MPHOSPH10: variants seen among roughly 807,000 people sequenced by gnomAD.
The protein encoded by MPHOSPH10 is M-phase phosphoprotein 10, also known as U3 small nucleolar ribonucleoprotein MPP10.
In MPHOSPH10, 33 loss-of-function variants were observed where a neutral mutation model predicts 77.3. That is an observed-to-expected ratio of 0.43 (90% CI 0.32 to 0.57). MPHOSPH10 has a LOEUF of 0.57. MPHOSPH10 is among the 20% of genes least tolerant of loss of function. The pLI is 0.07. For synonymous variants in MPHOSPH10, 245 were observed against 268.0 expected, an observed-to-expected ratio of 0.91 and a Z score of 0.84; for missense variants, 708 against 780.1, an observed-to-expected ratio of 0.91 and a Z score of 1.10.
chr2:71,135,885 A>G (rs1227408808), intron 4 of MPHOSPH10, among the ~76,000 whole-genome samples: 3 of 151,718 alleles, frequency 2.0e-5, no homozygotes, highest in African/African-American at 7.3e-5. Context: ...TTGTATTTTT[A>G]GTAGAGACGG....
At position 71,144,317 on chromosome 2, in the gene MPHOSPH10, G is replaced by C. The variant is rs940828022; in HGVS notation, c.1447-111G>C. On this transcript the variant is annotated intron_variant, in intron 7 of 10. Coordinates refer to ENST00000244230, the MANE Select transcript of MPHOSPH10 (RefSeq NM_005791.3). ...TTTGCTTTTGGAATGTTTCTTTGTA[G>C]CTGAAGCTTTAGTGATGAGAAGTTA... 5.0e-5 allele frequency: 40 copies of C among 807,728 alleles called. No homozygotes were observed. The African/African-American group carries it at 6.5e-4, about 13-fold the overall frequency. 50.0% of individuals were successfully genotyped at this position (807,728 alleles called of 1,614,324 possible). A position where few individuals can be genotyped will look rare whatever the true frequency, so the allele number is the denominator to read the frequency against.
In MPHOSPH10 at chr2:71,133,059, A is replaced by G. The variant is rs1477395625; in HGVS notation, c.251A>G (p.Asn84Ser). The change falls in exon 2 of 11, where the codon AAT becomes AGT. Residue 84 changes from asparagine (N) to serine (S), a missense_variant. Asn to Ser is a conservative substitution (Grantham distance 46). This residue lies in a region of MPHOSPH10 where 433 missense variants were observed against 432.6 expected (regional missense o/e 1.00). Coordinates refer to ENST00000244230, the MANE Select transcript of MPHOSPH10 (RefSeq NM_005791.3). ...EQIWQQLELQNEPILQYFQNA... is the reference protein window; with the variant it reads ...EQIWQQLELQSEPILQYFQNA... ...ATTTGGCAACAACTGGAATTGCAAA[A>G]TGAACCAATTTTACAATACTTTCAG... is the stretch of plus-strand genomic sequence containing the variant. 6 of 1,614,074 alleles carry G rather than the reference A, an allele frequency of 3.7e-6. No individual in the cohort carries two copies. The highest frequency in any genetic ancestry group is 1.7e-5 in the Admixed American group (1 of 60,000).
At chr2:71,149,005 C>T (rs1213285996) in intron 9 of MPHOSPH10, 12 of 554,584 alleles carry the variant, frequency 2.2e-5, no homozygotes, top group Non-Finnish European at 3.5e-5. Flanking sequence ...ACTGAACCGT[C>T]ACTATAAGAG....
At chr2:71,145,309 T>C (rs1472131556) in intron 8 of MPHOSPH10, among the ~76,000 whole-genome samples, 1 of 152,222 alleles carries the variant, frequency 6.6e-6, no homozygotes. Flanking sequence ...TAAAGACTAG[T>C]CTAGAAGTCA....
intron 7 of MPHOSPH10, among the ~76,000 whole-genome samples, chr2:71,143,711 C>G (rs949853658): frequency 6.6e-6 from 1 of 152,174 alleles, no homozygotes; most frequent in African/African-American, 2.4e-5. Context: ...TGGAACCATA[C>G]CATATGTGGC....
chr2:71,137,544 A>G (rs991464820), intron 4 of MPHOSPH10, among the ~76,000 whole-genome samples: 1 of 151,334 alleles, frequency 6.6e-6, no homozygotes, highest in African/African-American at 2.4e-5. Context: ...CTGTGGTCCC[A>G]GTTATTTGGG....
intron 1 of MPHOSPH10, 139 bp downstream of exon 1, chr2:71,130,893 C>T (rs1673363989): frequency 1.4e-6 from 1 of 739,496 alleles, no homozygotes; most frequent in Non-Finnish European, 2.1e-6. Context: ...AGAGTTTATG[C>T]TTTCCTAGGC....
At position 71,141,325 on chromosome 2, in the gene MPHOSPH10, A is replaced by G. The variant is rs772490480; in HGVS notation, c.1402A>G (p.Ser468Gly). 1 of 1,568,320 alleles carries G rather than the reference A, an allele frequency of 6.4e-7. No homozygotes were observed. Among genetic ancestry groups the G allele is most frequent in the Non-Finnish European group, 8.6e-7 (1 of 1,158,540 alleles). Reference protein sequence around the residue: ...LTLDHEKSKLSLAEIYEQEYI... With the variant: ...LTLDHEKSKLGLAEIYEQEYI... Reference sequence around the variant, plus strand: ...CTTAGACCATGAGAAGAGTAAATTGAGCCTTGCTGAAATTTATGAACAGGA... The same window carrying G: ...CTTAGACCATGAGAAGAGTAAATTGGGCCTTGCTGAAATTTATGAACAGGA... Residue 468 changes from serine (S) to glycine (G), a missense_variant, in exon 7 of 11, where the codon AGC becomes GGC. Physicochemically the swap from Ser to Gly is moderately conservative, Grantham distance 56. This residue lies in a region of MPHOSPH10 where 263 missense variants were observed against 320.0 expected (regional missense o/e 0.82). Coordinates refer to ENST00000244230, the MANE Select transcript of MPHOSPH10 (RefSeq NM_005791.3).
At chr2:71,143,950 A>G (rs1196610523) in intron 7 of MPHOSPH10, among the ~76,000 whole-genome samples, 2 of 152,212 alleles carry the variant, frequency 1.3e-5, no homozygotes, top group Non-Finnish European at 2.9e-5. Flanking sequence ...TTGTACACCT[A>G]GGAGTGGCAT....
In MPHOSPH10 at chr2:71,134,201, C is replaced by T. The variant is rs922911220; in HGVS notation, c.926+96C>T. ...TCAAATGTGTTTGTCTTAGCAAGTT[C>T]TATTCTCTAATATCAGATATTCTCA... On this transcript the variant is annotated intron_variant, in intron 3 of 10. Coordinates refer to ENST00000244230, the MANE Select transcript of MPHOSPH10 (RefSeq NM_005791.3). The T allele has an allele frequency of 1.1e-5, 13 of 1,227,312 alleles. No homozygotes were observed. In the Admixed American group the frequency reaches 1.5e-4, roughly 14 times the overall value. The allele number at this position is 1,227,312 out of a possible 1,614,324, so 76.0% of individuals were successfully genotyped here.
chr2:71,134,048 A>G lies in MPHOSPH10; in HGVS notation c.869A>G (p.Asn290Ser). The change falls in exon 3 of 11, where the codon AAC (asparagine) becomes AGC (serine). Residue 290 changes from asparagine to serine, a missense_variant. Around this residue, in one of 3 missense-constraint regions of MPHOSPH10, gnomAD observed 433 missense variants for 432.6 expected, o/e 1.00. Transcript: ENST00000244230. ...GTTCATGATGATGAGCTGGATTCAA[A>G]CAAAGAAGATGATGAAATTGCTGAA... ...TNVHDDELDS[N>S]KEDDEIAEEE... 6.2e-7 allele frequency: 1 copy of G among 1,610,322 alleles called. No homozygotes were observed. Among genetic ancestry groups the G allele is most frequent in the Non-Finnish European group, 8.5e-7 (1 of 1,178,108 alleles).
rs760935845 is a variant in MPHOSPH10, at chr2:71,141,351, G to A, written c.1428G>A (p.Glu476=). The change falls in exon 7 of 11, where the codon GAG becomes GAA. Residue 476 remains glutamate, a synonymous_variant. Coordinates refer to ENST00000244230, the MANE Select transcript of MPHOSPH10 (RefSeq NM_005791.3). ...GCCTTGCTGAAATTTATGAACAGGA[G>A]TACATCAAACTCAACCAGGTGAGGA... ...KLSLAEIYEQ[E]YIKLNQQKTA... is the part of the protein sequence containing the mutation. 2 of 1,552,640 alleles carry A rather than the reference G, an allele frequency of 1.3e-6. No individual in the cohort carries two copies. Among genetic ancestry groups the A allele is most frequent in the East Asian group, 2.4e-5 (1 of 41,070 alleles).
chr2:71,141,134 T>C, intron 6 of MPHOSPH10, 98 bp from the exon 7 acceptor site: 1 of 528,676 alleles, frequency 1.9e-6, no homozygotes, highest in Non-Finnish European at 2.6e-6. Context: ...AATATATTGA[T>C]AATATTTATT....
chr2:71,134,707 A>G lies in MPHOSPH10; in HGVS notation c.1008A>G (p.Pro336=). 1 of 1,612,198 alleles carries G rather than the reference A, an allele frequency of 6.2e-7. No homozygotes were observed. Among genetic ancestry groups the G allele is most frequent in the Non-Finnish European group, 8.5e-7 (1 of 1,178,910 alleles). ...ESLKRVTFAL[P]DDAETEDTGV... ...TGAAAAGAGTGACCTTTGCTTTACC[A>G]GATGATGCGGAAACTGAAGATACAG... The change falls in exon 4 of 11, where the codon CCA becomes CCG. Residue 336 remains proline, a synonymous_variant. Coordinates refer to ENST00000244230, the MANE Select transcript of MPHOSPH10 (RefSeq NM_005791.3).
At position 71,138,522 on chromosome 2, in the gene MPHOSPH10, G is replaced by C. The variant is rs916509314; in HGVS notation, c.1131G>C (p.Glu377Asp). 6.3e-7 allele frequency: 1 copy of C among 1,597,800 alleles called. No homozygotes were observed. Among genetic ancestry groups the C allele is most frequent in the Non-Finnish European group, 8.5e-7 (1 of 1,173,712 alleles). Residue 377 changes from glutamate to aspartate, a missense_variant, in exon 5 of 11, where the codon GAG becomes GAC. Coordinates refer to ENST00000244230, the MANE Select transcript of MPHOSPH10 (RefSeq NM_005791.3). ...AAAAAATTGCATCTTTAGAAAAAGA[G>C]TTGTTAGAAAAAAAGCCGTGGCAGC... ...MNEKIASLEKELLEKKPWQLQ... is the reference protein window; with the variant it reads ...MNEKIASLEKDLLEKKPWQLQ...
intron 8 of MPHOSPH10, among the ~76,000 whole-genome samples, chr2:71,147,338 A>T (rs1346318345): frequency 6.6e-6 from 1 of 152,164 alleles, no homozygotes; most frequent in Non-Finnish European, 1.5e-5. Flanking sequence ...TGAGGAAGAG[A>T]TGGAAGAACT....
chr2:71,139,108 T>C (rs1673560174), intron 5 of MPHOSPH10: 1 of 202,574 alleles, frequency 4.9e-6, no homozygotes, highest in Non-Finnish European at 1.0e-5. Flanking sequence ...ACCTATATGC[T>C]ATTCAATTGG....
At chr2:71,147,357 A>C (rs1206102736) in intron 8 of MPHOSPH10, among the ~76,000 whole-genome samples, 2 of 152,200 alleles carry the variant, frequency 1.3e-5, no homozygotes, top group Non-Finnish European at 2.9e-5. Context: ...CTGATGTTTG[A>C]AGATGGCAGA....
In MPHOSPH10 at chr2:71,148,035, G is replaced by A; in HGVS notation, c.1594G>A (p.Ala532Thr). ...PEIKVVSNLP[A>T]ITMEEVAPVS... ...GATTAAAGTTGTGTCAAATCTGCCA[G>A]CCATAACCATGGAGGAAGTAGCCCC... The change falls in exon 9 of 11, where the codon GCC becomes ACC. Residue 532 changes from alanine (A) to threonine (T), a missense_variant. Transcript: ENST00000244230. The A allele has an allele frequency of 1.2e-6, 2 of 1,614,170 alleles. No individual in the cohort carries two copies. The highest frequency in any genetic ancestry group is 1.7e-6 in the Non-Finnish European group (2 of 1,180,018).
Sources: gnomAD v4.1 joint callset for allele counts (sites outside exome capture counted in the v4.1 genomes callset) on GRCh38, gnomAD v4.1.1 for gene constraint, gnomAD v4.1.1 regional missense constraint, MANE v1.5 for transcripts, NCBI Gene and HGNC (gene_info 2026-07-23, HGNC 2026-07-21) for gene names.